The following SORBS3 variants were observed in gnomAD, a reference collection of about 807,000 sequenced individuals.
The protein encoded by SORBS3 is sorbin and SH3 domain containing 3, also known as vinexin.
In SORBS3, 69 loss-of-function variants were observed where a neutral mutation model predicts 98.0. The observed-to-expected ratio is 0.70, with a 90% CI of 0.58 to 0.86. The LOEUF is 0.86. SORBS3 is among the 40% of genes least tolerant of loss of function. The probability of loss-of-function intolerance (pLI) is 0.00; values close to 1 mark genes in which losing one functional copy is unlikely to be tolerated. For synonymous variants in SORBS3, 394 were observed against 355.4 expected (o/e 1.11, Z -1.22); for missense variants, 954 against 908.5 (o/e 1.05, Z -0.64).
At chr8:22,571,636 C>T (rs1840587203) in intron 18 of SORBS3, 82 bp from the exon 19 acceptor site, 2 of 1,050,778 alleles carry the variant, frequency 1.9e-6, no homozygotes, top group South Asian at 2.6e-5. Context: ...TGGGAACGCC[C>T]ATTTTGGGCC....
At chr8:22,562,033 G>C (rs1840307406) in intron 7 of SORBS3, 102 bp downstream of exon 7, 3 of 1,121,126 alleles carry the variant, frequency 2.7e-6, no homozygotes, top group South Asian at 2.6e-5. Context: ...CAGCCTCGGA[G>C]CCCAGCCAGG....
At chr8:22,561,041 G>A (rs923455528) in intron 5 of SORBS3, 16 of 356,058 alleles carry the variant, frequency 4.5e-5, no homozygotes, top group Non-Finnish European at 6.0e-5. Context: ...GTGAGGGCAA[G>A]TCCACAAAGG....
intron 1 of SORBS3, among the ~76,000 whole-genome samples, chr8:22,553,065 G>T (rs1840115612): frequency 6.6e-6 from 1 of 152,144 alleles, no homozygotes; most frequent in Non-Finnish European, 1.5e-5. Context: ...GCCCTGGGCA[G>T]GAGCTGGGTC....
chr8:22,555,775 T>C (rs1449077986), intron 3 of SORBS3, among the ~76,000 whole-genome samples: 1 of 151,960 alleles, frequency 6.6e-6, no homozygotes, highest in Admixed American at 6.5e-5. Flanking sequence ...CACTTGAACC[T>C]GGGAGGTGGA....
At chr8:22,574,536 A>G (rs931636287) in intron 20 of SORBS3, 131 bp from the exon 21 acceptor site, 3 of 855,900 alleles carry the variant, frequency 3.5e-6, no homozygotes, top group African/African-American at 3.4e-5. Flanking sequence ...AGCAAATCCA[A>G]TTCCCTCTCT....
At chr8:22,565,126 G>C in intron 10 of SORBS3, 142 bp from the exon 11 acceptor site, 1 of 1,466,108 alleles carries the variant, frequency 6.8e-7, no homozygotes, top group African/African-American at 1.4e-5. Context: ...ACACCTCCTG[G>C]CAGGAGCCCG....
chr8:22,561,767 G>T, intron 6 of SORBS3, 98 bp from the exon 7 acceptor site: 2 of 1,083,450 alleles, frequency 1.8e-6, no homozygotes, highest in Non-Finnish European at 2.8e-6. Context: ...GCAAGGGGGT[G>T]GTGCTGAAAC....
At chr8:22,567,293 C>A in intron 16 of SORBS3, 118 bp downstream of exon 16, 1 of 698,724 alleles carries the variant, frequency 1.4e-6, no homozygotes, top group Non-Finnish European at 2.4e-6. Context: ...TGGGGCGTGT[C>A]TCGGAACTGT....
At chr8:22,570,786 C>G in intron 17 of SORBS3, 124 bp from the exon 18 acceptor site, 1 of 807,418 alleles carries the variant, frequency 1.2e-6, no homozygotes, top group Admixed American at 3.0e-5. Flanking sequence ...AAACTGCTGG[C>G]CCCCTGCGAT....
rs372215134 is a variant in SORBS3, at chr8:22,552,166, A to G, written c.-56+144A>G. 1,790 of 738,620 alleles carry G rather than the reference A, an allele frequency of 2.4e-3. 4 individuals carry two copies. The highest frequency in any genetic ancestry group is 6.2e-3 in the Middle Eastern group (9 of 1,458). 45.8% of individuals were successfully genotyped at this position (738,620 alleles called of 1,614,324 possible). A position where few individuals can be genotyped will look rare whatever the true frequency, so the allele number is the denominator to read the frequency against. On this transcript the variant is annotated intron_variant, in intron 1 of 20. Transcript: ENST00000240123. Reference sequence around the variant, plus strand: ...ACCTCCCACCAGCCCTCATACCAGAAAAAGCGAAATTCAAGAAAAGCTGTC... The same window carrying G: ...ACCTCCCACCAGCCCTCATACCAGAGAAAGCGAAATTCAAGAAAAGCTGTC...
Position 22,561,379 on chromosome 8 carries a change from G to A in SORBS3, c.517+6G>A. 1 of 1,612,610 alleles carries A rather than the reference G, an allele frequency of 6.2e-7. No individual in the cohort carries two copies. Among genetic ancestry groups the A allele is most frequent in the Non-Finnish European group, 8.5e-7 (1 of 1,179,380 alleles). Reference sequence around the variant, plus strand: ...CTTCGAGGAGCCACCCAGAGGTGAGGGGATGCGGGCCCACCTGCCTGCCAT... The same window carrying A: ...CTTCGAGGAGCCACCCAGAGGTGAGAGGATGCGGGCCCACCTGCCTGCCAT... On this transcript the variant is annotated splice_donor_region_variant and intron_variant, in intron 6 of 20. Coordinates refer to ENST00000240123, the MANE Select transcript of SORBS3 (RefSeq NM_005775.5).
At chr8:22,557,668 C>G (rs937554831) in intron 4 of SORBS3, among the ~76,000 whole-genome samples, 33 of 151,946 alleles carry the variant, frequency 2.2e-4, no homozygotes, top group African/African-American at 8.0e-4. Context: ...ATAAAATTAG[C>G]TAGGCAAGGT....
chr8:22,546,326 T>C (rs1840015643), intron 1 of SORBS3, among the ~76,000 whole-genome samples: 1 of 152,218 alleles, frequency 6.6e-6, no homozygotes, highest in Admixed American at 6.5e-5. Flanking sequence ...TGGCTTTTAC[T>C]CATTTAATAA....
At chr8:22,551,447 G>A (rs1840079614), upstream of SORBS3, among the ~76,000 whole-genome samples, 1 of 152,008 alleles carries the variant, frequency 6.6e-6, no homozygotes, top group South Asian at 2.1e-4. This position sits in a 1 kb window ranked among gnomAD's most constrained non-coding sequence, Gnocchi z 5.8. Context: ...GCTCCGCCCG[G>A]TTCATCGCTC....
At chr8:22,547,245 A>C (rs1840025262), upstream of SORBS3, among the ~76,000 whole-genome samples, 1 of 151,920 alleles carries the variant, frequency 6.6e-6, no homozygotes, top group Non-Finnish European at 1.5e-5. Context: ...AAGGACTTCA[A>C]TGCAAATTCA....
intron 10 of SORBS3, chr8:22,564,960 G>C: frequency 7.5e-7 from 1 of 1,324,540 alleles, no homozygotes; most frequent in African/African-American, 1.5e-5. Context: ...GATGGGAGAG[G>C]AAATGGGGAA....
rs757517048 is a variant in SORBS3 at position 22,570,918 on chromosome 8, C to T, written c.1440C>T (p.His480=). The change falls in exon 18 of 21, where the codon CAC becomes CAT. Residue 480 remains histidine, a synonymous_variant. Transcript: ENST00000240123. ...EVELSFRKGE[H]ICLIRKVNEN... is the part of the protein sequence containing the mutation. Reference sequence around the variant, plus strand: ...GACTTTTCCCCCCTCAGGGAGAGCACATCTGCCTGATCCGCAAGGTGAACG... The same window carrying T: ...GACTTTTCCCCCCTCAGGGAGAGCATATCTGCCTGATCCGCAAGGTGAACG... The T allele has an allele frequency of 1.9e-6, 3 of 1,599,388 alleles. No individual in the cohort carries two copies. The highest frequency in any genetic ancestry group is 2.7e-5 in the African/African-American group (2 of 74,746).
At chr8:22,572,287 TG>T in intron 19 of SORBS3, 52 bp from the exon 20 acceptor site, 1 of 1,470,894 alleles carries the variant, frequency 6.8e-7, no homozygotes, top group Non-Finnish European at 9.5e-7. Context: ...CGGCAACACT[TG>T]GGTTAGAGCC....
chr8:22,554,362 G>T lies in SORBS3; in HGVS notation c.-55-90G>T. 7.5e-7 allele frequency: 1 copy of T among 1,339,444 alleles called. No homozygotes were observed. Among genetic ancestry groups the T allele is most frequent in the Non-Finnish European group, 9.9e-7 (1 of 1,014,120 alleles). The allele number at this position is 1,339,444 out of a possible 1,614,324, so 83.0% of individuals were successfully genotyped here. The stretch of plus-strand genomic sequence containing the variant: ...CTGGTCCTGACCCCCTCCCACAGCC[G>T]GCCCCTCCTCCCCTATCCCAGGGTC... On this transcript the variant is annotated intron_variant, in intron 1 of 20. Coordinates refer to ENST00000240123, the MANE Select transcript of SORBS3 (RefSeq NM_005775.5). This position sits in a 1 kb window ranked among gnomAD's most constrained non-coding sequence, Gnocchi z 6.5.
Sources: allele counts gnomAD v4.1 joint callset (sites outside exome capture counted in the v4.1 genomes callset), GRCh38; gene constraint gnomAD v4.1.1; non-coding constraint Gnocchi (gnomAD v3.1); transcripts MANE v1.5; gene names NCBI Gene and HGNC (gene_info 2026-07-23, HGNC 2026-07-21).